The following ERBB4 variants were observed in gnomAD, a reference collection of about 807,000 sequenced individuals.
ERBB4 encodes the protein erb-b2 receptor tyrosine kinase 4, also known as receptor tyrosine-protein kinase erbB-4.
A neutral mutation model predicts 158.0 loss-of-function variants in ERBB4; 42 were observed. The observed-to-expected ratio is 0.27, with a 90% CI of 0.21 to 0.34. The LOEUF is 0.34. ERBB4 is among the 10% of genes least tolerant of loss of function. The pLI is 1.00. For synonymous variants in ERBB4, 583 were observed against 558.7 expected (o/e 1.04, Z -0.61); for missense variants, 1,333 against 1,624.1 (o/e 0.82, Z 3.08).
At chr2:211,704,439 A>G (rs1434840356) in intron 10 of ERBB4, among the ~76,000 whole-genome samples, 1 of 152,212 alleles carries the variant, frequency 6.6e-6, no homozygotes, top group Non-Finnish European at 1.5e-5. Flanking sequence ...AAATGCAAAA[A>G]TGTAGTCTAA....
chr2:212,015,104 A>T (rs1385804702), intron 2 of ERBB4, among the ~76,000 whole-genome samples: 1 of 84,414 alleles, frequency 1.2e-5, no homozygotes. Flanking sequence ...ATATATATAT[A>T]TATATATAAA....
At chr2:212,371,976 T>C (rs1170460883) in intron 1 of ERBB4, among the ~76,000 whole-genome samples, 1 of 152,206 alleles carries the variant, frequency 6.6e-6, no homozygotes, top group East Asian at 1.9e-4. Context: ...CAATAGTATA[T>C]AAAATATTTT....
chr2:211,452,208 C>T (rs553140865), intron 20 of ERBB4, among the ~76,000 whole-genome samples: 63 of 152,148 alleles, frequency 4.1e-4, no homozygotes, highest in Non-Finnish European at 5.3e-4. Context: ...GATGGAGTCT[C>T]GCTCTGTTGC....
intron 14 of ERBB4, among the ~76,000 whole-genome samples, chr2:211,666,698 T>C (rs1401173829): frequency 6.6e-6 from 1 of 152,190 alleles, no homozygotes; most frequent in Non-Finnish European, 1.5e-5. Context: ...CATCTCCTTT[T>C]TGGACACCAT....
intron 1 of ERBB4, among the ~76,000 whole-genome samples, chr2:212,291,937 T>C (rs1254710964): frequency 6.6e-6 from 1 of 152,014 alleles, no homozygotes; most frequent in Middle Eastern, 3.2e-3. Context: ...TTGTAGTTTG[T>C]GGACTGTTAC....
chr2:212,293,847 C>CAAAAAAAAAA lies in ERBB4; in HGVS notation c.83-168954_83-168945dup, dbSNP rs1201724620. Among the ~76,000 whole-genome samples, 4 of 63,802 alleles carry CAAAAAAAAAA rather than the reference C, an allele frequency of 6.3e-5. 2 individuals are homozygous for CAAAAAAAAAA. The highest frequency in any genetic ancestry group is 5.0e-5 in the Non-Finnish European group (2 of 40,118). The allele number at this position is 63,802 out of a possible 152,430, so 41.9% of individuals were successfully genotyped here. On this transcript the variant is annotated intron_variant, in intron 1 of 27. Coordinates refer to ENST00000342788, the MANE Select transcript of ERBB4 (RefSeq NM_005235.3). ...TGGGTGACAGAGGAAGACTCTGTCT[C>CAAAAAAAAAA]AAAAAAAAAAACAAAAAAAAAAAAA...
At chr2:212,202,549 C>G (rs890521327) in intron 1 of ERBB4, among the ~76,000 whole-genome samples, 1 of 151,970 alleles carries the variant, frequency 6.6e-6, no homozygotes, top group Admixed American at 6.6e-5. Context: ...CCATGTTGCC[C>G]AAGCTGGTCT....
chr2:212,219,799 C>T (rs2083232609), intron 1 of ERBB4, among the ~76,000 whole-genome samples: 1 of 151,274 alleles, frequency 6.6e-6, no homozygotes, highest in Non-Finnish European at 1.5e-5. Flanking sequence ...ACACAAAACA[C>T]TCTTAGGAGC....
chr2:211,664,038 A>G (rs139320508), intron 15 of ERBB4, among the ~76,000 whole-genome samples: 7 of 152,296 alleles, frequency 4.6e-5, no homozygotes, highest in East Asian at 1.9e-4. Context: ...ATGTGAACCA[A>G]TGAATTGGCA....
At chr2:211,991,740 T>A (rs543410487) in intron 2 of ERBB4, among the ~76,000 whole-genome samples, 3 of 152,144 alleles carry the variant, frequency 2.0e-5, no homozygotes, top group Non-Finnish European at 2.9e-5. Flanking sequence ...GAGACTAAGA[T>A]AAATGAACGG....
intron 3 of ERBB4, among the ~76,000 whole-genome samples, chr2:211,825,877 AGATT>A (rs1313902551): frequency 1.4e-5 from 2 of 147,554 alleles, no homozygotes; most frequent in Admixed American, 1.4e-4. Context: ...TCTACAATAT[AGATT>A]AATTATATTA....
intron 1 of ERBB4, among the ~76,000 whole-genome samples, chr2:212,129,737 A>T (rs1049693718): frequency 5.9e-5 from 9 of 152,028 alleles, no homozygotes; most frequent in Non-Finnish European, 1.2e-4. Context: ...TTTTTGACAA[A>T]AAAAGATCCT....
At chr2:211,772,953 ATAT>A (rs1336753110) in intron 4 of ERBB4, among the ~76,000 whole-genome samples, 2 of 77,096 alleles carry the variant, frequency 2.6e-5, no homozygotes, top group Non-Finnish European at 2.2e-5. Flanking sequence ...ATATATATAT[ATAT>A]TTTTTTTTTT....
intron 3 of ERBB4, among the ~76,000 whole-genome samples, chr2:211,838,380 T>C (rs1319142612): frequency 6.6e-6 from 1 of 151,996 alleles, no homozygotes; most frequent in Non-Finnish European, 1.5e-5. Flanking sequence ...CTTGAGATAA[T>C]TTTAAAACAC....
chr2:212,450,603 T>C (rs1353113911), intron 1 of ERBB4, among the ~76,000 whole-genome samples: 1 of 152,088 alleles, frequency 6.6e-6, no homozygotes, highest in Non-Finnish European at 1.5e-5. Flanking sequence ...ATGAAACCCA[T>C]TTTGGACTTC....
At position 211,400,040 on chromosome 2, in the gene ERBB4, A is replaced by G. The variant is rs539533214; in HGVS notation, c.3136-12048T>C. ...AAATGCTACAGAAAATCAAACTTAT[A>G]AGTCAATGAAATTCTAAATCAAAAT... On this transcript the variant is annotated intron_variant, in intron 25 of 27. Transcript: ENST00000342788. Among the ~76,000 whole-genome samples, 5 of 152,298 alleles carry G rather than the reference A, an allele frequency of 3.3e-5. No individual in the cohort carries two copies. In the South Asian group the frequency reaches 1.0e-3, roughly 32 times the overall value.
chr2:212,274,022 A>T (rs1271910995), intron 1 of ERBB4, among the ~76,000 whole-genome samples: 1 of 151,878 alleles, frequency 6.6e-6, no homozygotes, highest in East Asian at 1.9e-4. Context: ...CAGTAGATTA[A>T]CATATATTTT....
chr2:211,580,803 T>TAG lies in ERBB4; in HGVS notation c.2302-18716_2302-18715insCT, dbSNP rs1559317005. 2.1e-4 allele frequency among the ~76,000 whole-genome samples: 13 copies of TAG among 63,276 alleles called. 1 individual carries two copies. The African/African-American group carries it at 2.2e-3, about 11-fold the overall frequency. The allele number at this position is 63,276 out of a possible 152,430, so 41.5% of individuals were successfully genotyped here. A position where few individuals can be genotyped will look rare whatever the true frequency, so the allele number is the denominator to read the frequency against. On this transcript the variant is annotated intron_variant, in intron 19 of 27. Transcript: ENST00000342788. ...AGAAATTGTGATATATATATATATATATATATATAATATATATATATTATA... is the reference window on the plus strand; with the variant it reads ...AGAAATTGTGATATATATATATATATAGATATATATAATATATATATATTATA...
intron 19 of ERBB4, among the ~76,000 whole-genome samples, chr2:211,587,943 T>C (rs534725535): frequency 6.6e-6 from 1 of 152,306 alleles, no homozygotes; most frequent in African/African-American, 2.4e-5. Context: ...ATAACAAAAG[T>C]TTAGAAAACA....
Sources: allele counts gnomAD v4.1 joint callset (sites outside exome capture counted in the v4.1 genomes callset), GRCh38; gene constraint gnomAD v4.1.1; transcripts MANE v1.5; gene names NCBI Gene and HGNC (gene_info 2026-07-23, HGNC 2026-07-21).